Variants in AEBP2 observed in about 807,000 individuals in gnomAD.
The protein encoded by AEBP2 is AE binding protein 2, also known as zinc finger protein AEBP2.
In AEBP2, 10 loss-of-function variants were observed where a neutral mutation model predicts 50.8. The observed-to-expected ratio is 0.20, with a 90% CI of 0.12 to 0.33. AEBP2 has a LOEUF of 0.33. AEBP2 is among the 10% of genes least tolerant of loss of function. The probability of loss-of-function intolerance (pLI) is 1.00; values close to 1 mark genes in which losing one functional copy is unlikely to be tolerated. For synonymous variants in AEBP2, 296 were observed against 261.3 expected (o/e 1.13, Z -1.28); for missense variants, 570 against 688.0 (o/e 0.83, Z 1.92).
intron 5 of AEBP2, among the ~76,000 whole-genome samples, chr12:19,503,325 C>G (rs967125015): frequency 1.3e-5 from 2 of 148,930 alleles, no homozygotes; most frequent in South Asian, 2.2e-4. Context: ...AGATGTATTC[C>G]TTGGTGTGTG....
chr12:19,449,783 T>C (rs1331693961), intron 1 of AEBP2, among the ~76,000 whole-genome samples: 2 of 152,236 alleles, frequency 1.3e-5, no homozygotes, highest in East Asian at 1.9e-4. Flanking sequence ...TTTTGAATTA[T>C]TTTAGTGTGA....
chr12:19,443,863 T>C (rs1345130307), intron 1 of AEBP2, among the ~76,000 whole-genome samples: 1 of 152,208 alleles, frequency 6.6e-6, no homozygotes, highest in Non-Finnish European at 1.5e-5. Context: ...AAGTTGATTT[T>C]TTTCCCCCCA....
chr12:19,517,715 C>T (rs1255312984), intron 7 of AEBP2, among the ~76,000 whole-genome samples: 1 of 152,226 alleles, frequency 6.6e-6, no homozygotes, highest in Non-Finnish European at 1.5e-5. Context: ...TGTTTCTAGG[C>T]TCATCTTGAA....
At chr12:19,472,090 T>C (rs1483158696) in intron 2 of AEBP2, among the ~76,000 whole-genome samples, 2 of 152,194 alleles carry the variant, frequency 1.3e-5, no homozygotes, top group East Asian at 1.9e-4. Flanking sequence ...TATACCTATT[T>C]GACATAAGAT....
Position 19,473,375 on chromosome 12 carries a change from A to AAATTAATT in AEBP2, c.987+24_987+25insAATTAATT, listed in dbSNP as rs199934534. 1.6e-3 allele frequency: 423 copies of AAATTAATT among 260,728 alleles called. 6 individuals carry two copies. Among genetic ancestry groups the AAATTAATT allele is most frequent in the African/African-American group, 0.016 (281 of 18,044 alleles). 16.2% of individuals were successfully genotyped at this position (260,728 alleles called of 1,614,324 possible). ...TTCAAGGTAAGGATGCATGTATATAAAATTTATTTATTTATTTATTTATTT... is the reference window on the plus strand; with the variant it reads ...TTCAAGGTAAGGATGCATGTATATAAAATTAATTAATTTATTTATTTATTTATTTATTT... On this transcript the variant is annotated intron_variant, in intron 3 of 7. Transcript: ENST00000266508.
intron 1 of AEBP2, among the ~76,000 whole-genome samples, chr12:19,461,460 T>G (rs117640779): frequency 7.9e-5 from 12 of 152,068 alleles, no homozygotes; most frequent in African/African-American, 2.9e-4. Context: ...TTTGAGATGG[T>G]GTTTTGCTCT....
chr12:19,444,935 C>T (rs1252747010), intron 1 of AEBP2, among the ~76,000 whole-genome samples: 3 of 152,114 alleles, frequency 2.0e-5, no homozygotes, highest in Non-Finnish European at 2.9e-5. Context: ...TGCTCTGTCA[C>T]GCAGGCTGGA....
At chr12:19,436,587 CT>C (rs111566734), upstream of AEBP2, among the ~76,000 whole-genome samples, 3 of 139,916 alleles carry the variant, frequency 2.1e-5, no homozygotes, top group African/African-American at 2.6e-5. Context: ...TTTCTTTTTT[CT>C]TTTTTTTTTG....
rs895941388 is a variant in AEBP2, at chr12:19,513,509, G to A, written c.1367+1044G>A. Among the ~76,000 whole-genome samples the A allele has an allele frequency of 2.6e-5, 4 of 152,288 alleles. No homozygotes were observed. In the East Asian group the frequency reaches 7.7e-4, roughly 29 times the overall value. On this transcript the variant is annotated intron_variant, in intron 6 of 7. Coordinates refer to ENST00000266508, the MANE Select transcript of AEBP2 (RefSeq NM_153207.5). Reference sequence around the variant, plus strand: ...GCAGTGGTTTATGCTGGTAATCCCAGTGCTTTGTGAGGCTGAGGCAGAAAG... The same window carrying A: ...GCAGTGGTTTATGCTGGTAATCCCAATGCTTTGTGAGGCTGAGGCAGAAAG...
intron 7 of AEBP2, among the ~76,000 whole-genome samples, chr12:19,516,586 G>A (rs568829522): frequency 3.9e-5 from 6 of 152,234 alleles, no homozygotes; most frequent in South Asian, 4.1e-4. Context: ...TTGAACTGAT[G>A]TTCTGAAGTG....
At chr12:19,479,850 CTTAAGT>C (rs1371743555) in intron 3 of AEBP2, among the ~76,000 whole-genome samples, 1 of 147,816 alleles carries the variant, frequency 6.8e-6, no homozygotes, top group Non-Finnish European at 1.5e-5. Context: ...ACCCCTTTAC[CTTAAGT>C]TTATTTGAGT....
rs1014494777 is a variant in AEBP2 at position 19,475,557 on chromosome 12, C to T, written c.987+2202C>T. Among the ~76,000 whole-genome samples, 32 of 152,028 alleles carry T rather than the reference C, an allele frequency of 2.1e-4. 1 individual carries two copies. Among genetic ancestry groups the T allele is most frequent in the African/African-American group, 1.2e-4 (5 of 41,390 alleles). On this transcript the variant is annotated intron_variant, in intron 3 of 7. Transcript: ENST00000266508. The stretch of plus-strand genomic sequence containing the variant: ...GTCTTTTTCATATAATGACTTTTCC[C>T]AGTAGTCATTCATATAATGACTTTT...
In AEBP2 at chr12:19,430,577, A is replaced by G. The variant is rs531273896; in HGVS notation, c.-17+26361A>G. 2.6e-5 allele frequency among the ~76,000 whole-genome samples: 4 copies of G among 152,030 alleles called. No individual in the cohort carries two copies. The South Asian group carries it at 6.2e-4, about 24-fold the overall frequency. On this transcript the variant is annotated intron_variant, in intron 1 of 3. Transcript: ENST00000538425. ...TAAATTACCTAGGGGAGTATGGCCA[A>G]TTTTCACGATATTGATTCTTCCTAC...
chr12:19,456,778 T>C lies in AEBP2; in HGVS notation c.672-5732T>C, dbSNP rs112292283. Reference sequence around the variant, plus strand: ...ATTTCGACAGATTTTACTTCAGTTTTAATGTTGACTGGAGCAAAGGTGACC... The same window carrying C: ...ATTTCGACAGATTTTACTTCAGTTTCAATGTTGACTGGAGCAAAGGTGACC... On this transcript the variant is annotated intron_variant, in intron 1 of 7. Coordinates refer to ENST00000266508, the MANE Select transcript of AEBP2 (RefSeq NM_153207.5). The C allele has an allele frequency of 5.3e-4, 834 of 1,580,292 alleles. 6 individuals are homozygous for C. The African/African-American group carries it at 9.4e-3, about 18-fold the overall frequency.
chr12:19,431,666 C>A (rs2095751501), intron 1 of AEBP2, among the ~76,000 whole-genome samples: 2 of 152,142 alleles, frequency 1.3e-5, no homozygotes, highest in African/African-American at 4.8e-5. Flanking sequence ...AAACTATAAT[C>A]ATTATTTGGT....
intron 1 of AEBP2, among the ~76,000 whole-genome samples, chr12:19,412,413 G>A (rs536084320): frequency 2.3e-4 from 35 of 151,922 alleles, no homozygotes; most frequent in South Asian, 1.2e-3. Flanking sequence ...GAGTAGCTGG[G>A]ACTATAGGCA....
At chr12:19,481,092 CTTTTTTTTTTT>C (rs71067027) in intron 3 of AEBP2, among the ~76,000 whole-genome samples, 37 of 74,050 alleles carry the variant, frequency 5.0e-4, no homozygotes, top group African/African-American at 6.8e-4. Context: ...GCAGTGCATC[CTTTTTTTTTTT>C]TTTTTTTTTT....
rs1948737001 is a variant in AEBP2 at position 19,481,998 on chromosome 12, T to C, written c.987+8643T>C. Reference sequence around the variant, plus strand: ...TTCAGAAATTTATTCTTGGTTTGGATACATTACTGGGGTTATAGAACCCTG... The same window carrying C: ...TTCAGAAATTTATTCTTGGTTTGGACACATTACTGGGGTTATAGAACCCTG... On this transcript the variant is annotated intron_variant, in intron 3 of 7. Coordinates refer to ENST00000266508, the MANE Select transcript of AEBP2 (RefSeq NM_153207.5). Among the ~76,000 whole-genome samples the C allele has an allele frequency of 2.6e-5, 4 of 152,378 alleles. No homozygotes were observed. In the South Asian group the frequency reaches 8.3e-4, roughly 32 times the overall value.
At chr12:19,473,772 A>G (rs984827150) in intron 3 of AEBP2, among the ~76,000 whole-genome samples, 1 of 152,178 alleles carries the variant, frequency 6.6e-6, no homozygotes, top group Non-Finnish European at 1.5e-5. Context: ...AAGCTCCTCT[A>G]AATTTTTTTA....
Sources: allele counts gnomAD v4.1 joint callset (sites outside exome capture counted in the v4.1 genomes callset), GRCh38; gene constraint gnomAD v4.1.1; transcripts MANE v1.5; gene names NCBI Gene and HGNC (gene_info 2026-07-23, HGNC 2026-07-21).